CFAP77: variants seen among roughly 807,000 people sequenced by gnomAD.
The protein encoded by CFAP77 is cilia- and flagella-associated protein 77.
In CFAP77, 25 loss-of-function variants were observed where a neutral mutation model predicts 31.1. The observed-to-expected ratio is 0.80, with a 90% confidence interval of 0.59 to 1.12. CFAP77 has a LOEUF of 1.12. Ranked by LOEUF, CFAP77 falls within the 50% of genes most tolerant of loss-of-function variation. The pLI, the probability that CFAP77 is intolerant of heterozygous loss-of-function variation, is 0.00. For synonymous variants in CFAP77, 151 were observed against 159.9 expected (o/e 0.94, Z 0.42); for missense variants, 377 against 397.3 (o/e 0.95, Z 0.44).
chr9:132,465,239 G>A (rs1043994309), intron 1 of CFAP77, among the ~76,000 whole-genome samples: 8 of 151,294 alleles, frequency 5.3e-5, no homozygotes, highest in African/African-American at 2.0e-4. Context: ...CCAGCTTTTG[G>A]GGATCTTTAC....
intron 1 of CFAP77, among the ~76,000 whole-genome samples, chr9:132,457,324 A>C: frequency 6.6e-6 from 1 of 150,928 alleles, no homozygotes; most frequent in South Asian, 2.1e-4. Context: ...GGGCGGGGGG[A>C]GAAAGGATTA....
At chr9:132,429,790 A>C (rs1850381003) in intron 1 of CFAP77, among the ~76,000 whole-genome samples, 1 of 151,882 alleles carries the variant, frequency 6.6e-6, no homozygotes, top group Non-Finnish European at 1.5e-5. Context: ...CGGGAGGTGG[A>C]CAGTGAGCTG....
intron 1 of CFAP77, among the ~76,000 whole-genome samples, chr9:132,446,437 C>T (rs2131707784): frequency 6.6e-6 from 1 of 152,162 alleles, no homozygotes; most frequent in African/African-American, 2.4e-5. Flanking sequence ...CCGACGGTGC[C>T]TGCCAAAGAT....
At position 132,539,329 on chromosome 9, in the gene CFAP77, G is replaced by A. The variant is rs1852600787; in HGVS notation, c.630+1623G>A. Among the ~76,000 whole-genome samples the A allele has an allele frequency of 6.6e-6, 1 of 152,088 alleles. No individual in the cohort carries two copies. The highest frequency in any genetic ancestry group is 2.4e-5 in the African/African-American group (1 of 41,418). On this transcript the variant is annotated intron_variant, in intron 4 of 5. Transcript: ENST00000393216. The surrounding 1 kb of genome is among the most constrained non-coding windows in gnomAD (Gnocchi z 4.3). ...CACCCTCCCCAAGCCTCTGAGCTGAGGGCTGGGCTGAGTATGCACCCTGAG... is the reference window on the plus strand; with the variant it reads ...CACCCTCCCCAAGCCTCTGAGCTGAAGGCTGGGCTGAGTATGCACCCTGAG...
intron 3 of CFAP77, among the ~76,000 whole-genome samples, chr9:132,513,799 C>A (rs1334693386): frequency 2.0e-5 from 3 of 152,218 alleles, no homozygotes; most frequent in African/African-American, 7.2e-5. Context: ...TGGAATGAGA[C>A]CTCCTCTGCC....
chr9:132,439,574 T>A (rs113150339), intron 1 of CFAP77, among the ~76,000 whole-genome samples: 1 of 151,646 alleles, frequency 6.6e-6, no homozygotes, highest in Non-Finnish European at 1.5e-5. Context: ...TGGCCGGGAG[T>A]GGTGGCTCAC....
chr9:132,514,721 C>T (rs1564236147), intron 3 of CFAP77, among the ~76,000 whole-genome samples: 1 of 152,210 alleles, frequency 6.6e-6, no homozygotes, highest in Non-Finnish European at 1.5e-5. Context: ...AACCAAGCCT[C>T]CCGGCGTCAT....
chr9:132,444,049 A>G (rs1230837524), intron 1 of CFAP77, among the ~76,000 whole-genome samples: 1 of 152,234 alleles, frequency 6.6e-6, no homozygotes, highest in Non-Finnish European at 1.5e-5. Context: ...GCTTCCAGAC[A>G]TGCCCAAGAT....
rs1019793678 is a variant in CFAP77, at chr9:132,552,071, C to T, written c.732+9024C>T. On this transcript the variant is annotated intron_variant, in intron 5 of 5. Coordinates refer to ENST00000393216, the MANE Select transcript of CFAP77 (RefSeq NM_001282957.2). This position sits in a 1 kb window ranked among gnomAD's most constrained non-coding sequence, Gnocchi z 5.5. Reference sequence around the variant, plus strand: ...TAAAAAGGAAAGAGGCGGCTGATCCCGGATTCAGGCTTACTGCGTTAAAAG... The same window carrying T: ...TAAAAAGGAAAGAGGCGGCTGATCCTGGATTCAGGCTTACTGCGTTAAAAG... 2.0e-5 allele frequency among the ~76,000 whole-genome samples: 3 copies of T among 152,230 alleles called. No homozygotes were observed. The highest frequency in any genetic ancestry group is 4.4e-5 in the Non-Finnish European group (3 of 68,044).
chr9:132,428,659 C>T (rs1333429968), intron 1 of CFAP77, among the ~76,000 whole-genome samples: 1 of 152,086 alleles, frequency 6.6e-6, no homozygotes, highest in Non-Finnish European at 1.5e-5. Flanking sequence ...ACGGGAAAAA[C>T]ACACCTCGAT....
At chr9:132,466,911 C>T (rs2131731431) in intron 1 of CFAP77, among the ~76,000 whole-genome samples, 1 of 152,352 alleles carries the variant, frequency 6.6e-6, no homozygotes, top group South Asian at 2.1e-4. Flanking sequence ...GGTGCAGTGG[C>T]TCACACCTGT....
At chr9:132,484,701 A>G (rs1589878802) in intron 1 of CFAP77, among the ~76,000 whole-genome samples, 1 of 151,426 alleles carries the variant, frequency 6.6e-6, no homozygotes. Context: ...ACGCAGGTAC[A>G]TGTGTTTGAA....
At chr9:132,519,535 G>A (rs1852218539) in intron 3 of CFAP77, among the ~76,000 whole-genome samples, 1 of 115,190 alleles carries the variant, frequency 8.7e-6, no homozygotes, top group Non-Finnish European at 2.0e-5. Context: ...TGGATGGATG[G>A]ATGGGTGGGT....
At position 132,424,917 on chromosome 9, in the gene CFAP77, A is replaced by G. The variant is rs1159537732; in HGVS notation, c.195+14451A>G. ...CCCCACCTCCCTAATCAGAGAGAGCAAATTGTTATCAGATTAGCGCCAGCA... is the reference window on the plus strand; with the variant it reads ...CCCCACCTCCCTAATCAGAGAGAGCGAATTGTTATCAGATTAGCGCCAGCA... On this transcript the variant is annotated intron_variant, in intron 1 of 5. Coordinates refer to ENST00000393216, the MANE Select transcript of CFAP77 (RefSeq NM_001282957.2). The surrounding 1 kb of genome is among the most constrained non-coding windows in gnomAD (Gnocchi z 4.1). Among the ~76,000 whole-genome samples the G allele has an allele frequency of 6.6e-6, 1 of 152,168 alleles. No individual in the cohort carries two copies. Among genetic ancestry groups the G allele is most frequent in the Non-Finnish European group, 1.5e-5 (1 of 68,014 alleles).
intron 1 of CFAP77, among the ~76,000 whole-genome samples, chr9:132,489,042 G>A (rs1851612145): frequency 1.3e-5 from 2 of 152,174 alleles, no homozygotes; most frequent in South Asian, 4.1e-4. Flanking sequence ...TGAGGAGGGA[G>A]GGGTGGTCAG....
At chr9:132,572,260 C>G in intron 5 of CFAP77, 128 bp from the exon 6 acceptor site, 914 of 1,125,736 alleles carry the variant, frequency 8.1e-4, no homozygotes, top group Non-Finnish European at 1.1e-3. Context: ...CTTGCTGTGA[C>G]TTCCTCCCTC....
intron 3 of CFAP77, among the ~76,000 whole-genome samples, chr9:132,510,681 A>C (rs1852021041): frequency 1.3e-5 from 2 of 152,094 alleles, no homozygotes; most frequent in Admixed American, 1.3e-4. Flanking sequence ...TGGCCAGATC[A>C]TCTCATCGTG....
intron 1 of CFAP77, among the ~76,000 whole-genome samples, chr9:132,475,403 G>C (rs1851333496): frequency 6.6e-6 from 1 of 152,172 alleles, no homozygotes; most frequent in Non-Finnish European, 1.5e-5. Flanking sequence ...CTTCGCTAAG[G>C]CTGGTCTGCA....
chr9:132,459,070 C>CTTTTTTTTTTTTTTTTTTTT (rs1564211410), intron 1 of CFAP77, among the ~76,000 whole-genome samples: 1 of 141,722 alleles, frequency 7.1e-6, no homozygotes. Flanking sequence ...AGCCCTGAAA[C>CTTTTTTTTTTTTTTTTTTTT]TATTTTTTTT....
Sources: gnomAD v4.1 joint callset for allele counts (sites outside exome capture counted in the v4.1 genomes callset) on GRCh38, gnomAD v4.1.1 for gene constraint, Gnocchi (gnomAD v3.1) non-coding constraint, MANE v1.5 for transcripts, NCBI Gene and HGNC (gene_info 2026-07-23, HGNC 2026-07-21) for gene names.